The following PRDM16 variants were observed in gnomAD, a reference collection of about 807,000 sequenced individuals.
PRDM16 encodes PR/SET domain 16.
A neutral mutation model predicts 110.6 loss-of-function variants in PRDM16; 23 were observed. That is an observed-to-expected ratio of 0.21 (90% CI 0.15 to 0.29). The LOEUF is 0.29. Among genes scored for constraint, PRDM16 ranks in the 10% least tolerant of loss-of-function variants. The probability of loss-of-function intolerance (pLI) is 1.00; values close to 1 mark genes in which losing one functional copy is unlikely to be tolerated. For synonymous variants in PRDM16, 799 were observed against 781.8 expected (o/e 1.02, Z -0.37); for missense variants, 1,615 against 1,794.3 (o/e 0.90, Z 1.81).
In PRDM16 at chr1:3,353,085, G is replaced by T. The variant is rs1642526546; in HGVS notation, c.439-32067G>T. Reference sequence around the variant, plus strand: ...TGGAGCCAGAAGTCAGGAAAGGGAGGCTGCAGCCGCACACCCGAAGAGCTC... The same window carrying T: ...TGGAGCCAGAAGTCAGGAAAGGGAGTCTGCAGCCGCACACCCGAAGAGCTC... On this transcript the variant is annotated intron_variant, in intron 3 of 16. Transcript: ENST00000270722. This position sits in a 1 kb window ranked among gnomAD's most constrained non-coding sequence, Gnocchi z 5.4. Among the ~76,000 whole-genome samples the T allele has an allele frequency of 6.6e-6, 1 of 152,198 alleles. No individual in the cohort carries two copies. Among genetic ancestry groups the T allele is most frequent in the African/African-American group, 2.4e-5 (1 of 41,456 alleles).
chr1:3,424,118 G>GC (rs1455536027), intron 12 of PRDM16, among the ~76,000 whole-genome samples: 1 of 152,170 alleles, frequency 6.6e-6, no homozygotes, highest in African/African-American at 2.4e-5. Context: ...CCCGCCGGAT[G>GC]CCCCCCAGGG....
At chr1:3,431,459 CG>C (rs1180563820) in intron 15 of PRDM16, among the ~76,000 whole-genome samples, 6 of 152,246 alleles carry the variant, frequency 3.9e-5, no homozygotes, top group Non-Finnish European at 5.9e-5. Context: ...CGTGGGCACA[CG>C]GGGGCCAAGC....
chr1:3,264,453 G>T (rs1335641087), intron 3 of PRDM16, among the ~76,000 whole-genome samples: 1 of 150,562 alleles, frequency 6.6e-6, no homozygotes, highest in African/African-American at 2.5e-5. Context: ...AAGGGGAGAG[G>T]CATAGAGGAG....
chr1:3,094,944 C>T (rs1423743163), intron 1 of PRDM16, among the ~76,000 whole-genome samples: 5 of 152,176 alleles, frequency 3.3e-5, no homozygotes, highest in South Asian at 4.1e-4. Flanking sequence ...CCCCGGTGCT[C>T]GTGACCGAGA....
intron 3 of PRDM16, among the ~76,000 whole-genome samples, chr1:3,253,503 C>T (rs1639985766): frequency 6.6e-6 from 1 of 151,734 alleles, no homozygotes; most frequent in East Asian, 1.9e-4. Context: ...ATGATGATTT[C>T]CAATTTCATC....
At chr1:3,342,668 C>CCGCT (rs1557622056) in intron 3 of PRDM16, among the ~76,000 whole-genome samples, 1 of 152,226 alleles carries the variant, frequency 6.6e-6, no homozygotes, top group Non-Finnish European at 1.5e-5. Flanking sequence ...AAATGGCCAG[C>CCGCT]CGCTGTTCTG....
chr1:3,093,332 C>T (rs529390826), intron 1 of PRDM16, among the ~76,000 whole-genome samples: 6 of 152,294 alleles, frequency 3.9e-5, no homozygotes, highest in African/African-American at 1.2e-4. Flanking sequence ...TTGGTAGCAC[C>T]GGGGCAGTCT....
At chr1:3,121,575 C>T (rs1416822171) in intron 1 of PRDM16, among the ~76,000 whole-genome samples, 1 of 152,224 alleles carries the variant, frequency 6.6e-6, no homozygotes, top group African/African-American at 2.4e-5. Flanking sequence ...TGGGCCTGGC[C>T]TGGAAGTGCG....
chr1:3,294,447 AG>A (rs992852971), intron 3 of PRDM16, among the ~76,000 whole-genome samples: 1 of 151,964 alleles, frequency 6.6e-6, no homozygotes, highest in Non-Finnish European at 1.5e-5. Context: ...TGAGGTAGGG[AG>A]GGGCCCCAAG....
chr1:3,219,163 G>A (rs1046667033), intron 2 of PRDM16, among the ~76,000 whole-genome samples: 6 of 152,352 alleles, frequency 3.9e-5, no homozygotes, highest in South Asian at 2.1e-4. Context: ...CACAGAAACC[G>A]AAAACCGCAT....
intron 1 of PRDM16, among the ~76,000 whole-genome samples, chr1:3,077,036 A>G (rs1570205263): frequency 6.6e-6 from 1 of 152,120 alleles, no homozygotes; most frequent in South Asian, 2.1e-4. Flanking sequence ...GCCAGTCCCC[A>G]TTGAAGTGAC....
At chr1:3,320,386 G>T (rs1050742929) in intron 3 of PRDM16, among the ~76,000 whole-genome samples, 3 of 152,224 alleles carry the variant, frequency 2.0e-5, no homozygotes, top group Admixed American at 6.5e-5. Context: ...GTATGTGAGT[G>T]AGAATGTGGG....
intron 2 of PRDM16, among the ~76,000 whole-genome samples, chr1:3,242,752 G>A (rs1394480217): frequency 1.3e-5 from 2 of 152,254 alleles, no homozygotes; most frequent in South Asian, 4.1e-4. Context: ...CCGTCCTTAG[G>A]ATTTGTAAAG....
intron 4 of PRDM16, chr1:3,394,484 A>T: frequency 7.1e-6 from 1 of 140,740 alleles, no homozygotes. Flanking sequence ...GGTGGGGTGG[A>T]GAGGGAGGTG....
In PRDM16 at chr1:3,353,571, G is replaced by A. The variant is rs1457109825; in HGVS notation, c.439-31581G>A. On this transcript the variant is annotated intron_variant, in intron 3 of 16. Transcript: ENST00000270722. This position sits in a 1 kb window ranked among gnomAD's most constrained non-coding sequence, Gnocchi z 5.4. Reference sequence around the variant, plus strand: ...TCCAGCCAAGTACTGGGGGCCACGGGCTGAGGGCACAGGCCACAGGGGATG... The same window carrying A: ...TCCAGCCAAGTACTGGGGGCCACGGACTGAGGGCACAGGCCACAGGGGATG... 6.6e-6 allele frequency among the ~76,000 whole-genome samples: 1 copy of A among 152,214 alleles called. No homozygotes were observed. The highest frequency in any genetic ancestry group is 1.5e-5 in the Non-Finnish European group (1 of 68,032).
At chr1:3,104,874 G>A (rs1184758128) in intron 1 of PRDM16, among the ~76,000 whole-genome samples, 1 of 152,288 alleles carries the variant, frequency 6.6e-6, no homozygotes, top group Non-Finnish European at 1.5e-5. Flanking sequence ...CTTCATGAAC[G>A]CTCACTGAAC....
intron 1 of PRDM16, among the ~76,000 whole-genome samples, chr1:3,102,505 C>T (rs1355183461): frequency 6.6e-6 from 1 of 152,220 alleles, no homozygotes; most frequent in Non-Finnish European, 1.5e-5. Flanking sequence ...AGGTGGGCCC[C>T]CTCTGGCATC....
At chr1:3,325,480 C>T (rs573876992) in intron 3 of PRDM16, among the ~76,000 whole-genome samples, 1 of 152,308 alleles carries the variant, frequency 6.6e-6, no homozygotes, top group South Asian at 2.1e-4. Flanking sequence ...GATGGTCCCA[C>T]CTGAAGCCCT....
At chr1:3,400,975 G>A (rs74420686) in intron 5 of PRDM16, among the ~76,000 whole-genome samples, 1 of 152,122 alleles carries the variant, frequency 6.6e-6, no homozygotes, top group African/African-American at 2.4e-5. Flanking sequence ...TTGGCAAGGG[G>A]TGGGTGGGTG....
Sources: gnomAD v4.1 joint callset for allele counts (sites outside exome capture counted in the v4.1 genomes callset) on GRCh38, gnomAD v4.1.1 for gene constraint, Gnocchi (gnomAD v3.1) non-coding constraint, MANE v1.5 for transcripts, NCBI Gene and HGNC (gene_info 2026-07-23, HGNC 2026-07-21) for gene names.